Variants in IMMP2L observed in about 807,000 individuals in gnomAD.
IMMP2L encodes the protein mitochondrial inner membrane protease subunit 2.
A neutral mutation model predicts 19.3 loss-of-function variants in IMMP2L; 18 were observed. The ratio of observed to expected loss-of-function variants is 0.93; its 90% CI spans 0.64 to 1.38. IMMP2L has a LOEUF of 1.38. Among genes scored for constraint, IMMP2L ranks in the 40% most tolerant of loss-of-function variants. The probability of loss-of-function intolerance (pLI) is 0.00; values close to 1 mark genes in which losing one functional copy is unlikely to be tolerated. For synonymous variants in IMMP2L, 76 were observed against 73.0 expected, an observed-to-expected ratio of 1.04 and a Z score of -0.21; for missense variants, 233 against 218.2, an observed-to-expected ratio of 1.07 and a Z score of -0.43.
At chr7:110,744,662 C>T (rs990868436) in intron 5 of IMMP2L, among the ~76,000 whole-genome samples, 1 of 152,216 alleles carries the variant, frequency 6.6e-6, no homozygotes, top group Non-Finnish European at 1.5e-5. Context: ...AGAGGCCTGA[C>T]TGTTAGAAGG....
At chr7:110,976,794 T>C (rs1412192969) in intron 3 of IMMP2L, among the ~76,000 whole-genome samples, 5 of 151,956 alleles carry the variant, frequency 3.3e-5, no homozygotes, top group African/African-American at 1.2e-4. Context: ...AAATTGAACA[T>C]ACTGGCTCCC....
At chr7:111,009,237 T>C (rs952939702) in intron 3 of IMMP2L, among the ~76,000 whole-genome samples, 9 of 152,132 alleles carry the variant, frequency 5.9e-5, no homozygotes, top group Non-Finnish European at 1.2e-4. Context: ...AACTTCACTG[T>C]TGCAAACCAT....
chr7:111,345,654 G>A (rs1055339278), intron 3 of IMMP2L, among the ~76,000 whole-genome samples: 1 of 152,072 alleles, frequency 6.6e-6, no homozygotes, highest in Admixed American at 6.6e-5. Flanking sequence ...ATCAGAGGAG[G>A]CTAGTGCAAT....
chr7:110,733,382 A>G (rs1796400733), intron 5 of IMMP2L, among the ~76,000 whole-genome samples: 1 of 152,100 alleles, frequency 6.6e-6, no homozygotes, highest in Admixed American at 6.5e-5. Flanking sequence ...GAGTCTGTAC[A>G]TAGTTCTGCT....
At chr7:110,853,698 C>G (rs964848430) in intron 5 of IMMP2L, among the ~76,000 whole-genome samples, 1 of 151,948 alleles carries the variant, frequency 6.6e-6, no homozygotes, top group Non-Finnish European at 1.5e-5. Flanking sequence ...TCTAGAAGCA[C>G]CTGGTGAAAA....
At chr7:111,269,205 A>T (rs1020575662) in intron 3 of IMMP2L, among the ~76,000 whole-genome samples, 1 of 152,210 alleles carries the variant, frequency 6.6e-6, no homozygotes, top group African/African-American at 2.4e-5. Flanking sequence ...GCATCTGCTC[A>T]TTTAAGAAAC....
chr7:111,545,623 T>C lies in IMMP2L; in HGVS notation c.-3+16228A>G, dbSNP rs145944354. On this transcript the variant is annotated intron_variant, in intron 1 of 5. Coordinates refer to ENST00000405709, the MANE Select transcript of IMMP2L (RefSeq NM_032549.4). ...CTAGTCTTGAACTCCTGAACTCAGG[T>C]GATCCACCTGCCCTAGCCTCTCAAA... Among the ~76,000 whole-genome samples, 408 of 152,230 alleles carry C rather than the reference T, an allele frequency of 2.7e-3. 6 individuals are homozygous for C. The highest frequency in any genetic ancestry group is 9.2e-3 in the African/African-American group (383 of 41,546).
At chr7:111,339,420 T>C (rs1325801409) in intron 3 of IMMP2L, among the ~76,000 whole-genome samples, 3 of 151,920 alleles carry the variant, frequency 2.0e-5, no homozygotes, top group Non-Finnish European at 4.4e-5. Context: ...CCATGTAAGT[T>C]GTTCTTTATT....
At chr7:110,967,398 A>C (rs1230433827) in intron 3 of IMMP2L, among the ~76,000 whole-genome samples, 1 of 151,530 alleles carries the variant, frequency 6.6e-6, no homozygotes, top group African/African-American at 2.4e-5. Context: ...TTTCCTGACC[A>C]CCCCCACCCT....
At chr7:110,825,495 A>T (rs1471643055) in intron 5 of IMMP2L, among the ~76,000 whole-genome samples, 1 of 152,168 alleles carries the variant, frequency 6.6e-6, no homozygotes, top group Non-Finnish European at 1.5e-5. Flanking sequence ...AGAGATATAG[A>T]TCAGTGGAAT....
intron 5 of IMMP2L, among the ~76,000 whole-genome samples, chr7:110,847,956 C>G (rs1448213356): frequency 6.6e-6 from 1 of 152,020 alleles, no homozygotes; most frequent in African/African-American, 2.4e-5. Flanking sequence ...AGTTATAAAA[C>G]CCCTAGAAGA....
chr7:111,094,342 T>C (rs1284908420), intron 3 of IMMP2L, among the ~76,000 whole-genome samples: 4 of 152,098 alleles, frequency 2.6e-5, no homozygotes, highest in South Asian at 2.1e-4. Flanking sequence ...AAGGAGATCA[T>C]TAAAAGAAAG....
chr7:111,120,061 C>T (rs1800402112), intron 3 of IMMP2L, among the ~76,000 whole-genome samples: 1 of 152,096 alleles, frequency 6.6e-6, no homozygotes, highest in African/African-American at 2.4e-5. Context: ...AGAAGGTTGC[C>T]TGCAGGAAAA....
chr7:111,492,479 C>T, intron 2 of IMMP2L: 3 of 679,758 alleles, frequency 4.4e-6, no homozygotes, highest in Non-Finnish European at 5.4e-6. Flanking sequence ...AGTCATTTGT[C>T]AAAGTCCTTA....
chr7:111,332,222 T>A (rs1043386428), intron 3 of IMMP2L, among the ~76,000 whole-genome samples: 2 of 151,400 alleles, frequency 1.3e-5, no homozygotes, highest in Admixed American at 1.3e-4. Context: ...AAATAAAACC[T>A]TCCTAGAAAA....
intron 5 of IMMP2L, among the ~76,000 whole-genome samples, chr7:110,875,727 G>C (rs537479510): frequency 1.3e-5 from 2 of 152,082 alleles, no homozygotes; most frequent in Admixed American, 1.3e-4. Flanking sequence ...TGGTTTGGTC[G>C]AAGCTCTTCA....
chr7:111,446,586 A>C (rs1316981316), intron 3 of IMMP2L, among the ~76,000 whole-genome samples: 1 of 151,950 alleles, frequency 6.6e-6, no homozygotes, highest in African/African-American at 2.4e-5. Flanking sequence ...CCAAAAGTAG[A>C]TAAAACCACA....
intron 3 of IMMP2L, among the ~76,000 whole-genome samples, chr7:111,219,092 A>C (rs1812255390): frequency 6.6e-6 from 1 of 152,046 alleles, no homozygotes; most frequent in Non-Finnish European, 1.5e-5. Context: ...GTGGCTAACA[A>C]AATCAACTAT....
In IMMP2L at chr7:111,118,418, A is replaced by G. The variant is rs568025352; in HGVS notation, c.240-154853T>C. 6.6e-5 allele frequency among the ~76,000 whole-genome samples: 10 copies of G among 152,236 alleles called. No homozygotes were observed. The East Asian group carries it at 1.5e-3, about 23-fold the overall frequency. On this transcript the variant is annotated intron_variant, in intron 3 of 5. Transcript: ENST00000405709. ...TTTTCACATAAAGAAATCTCAAATT[A>G]TAAGTGTCCACAGGAATTGGATATA...
Sources: allele counts gnomAD v4.1 joint callset (sites outside exome capture counted in the v4.1 genomes callset), GRCh38; gene constraint gnomAD v4.1.1; transcripts MANE v1.5; gene names NCBI Gene and HGNC (gene_info 2026-07-23, HGNC 2026-07-21).